The following FOSL1 variants were observed in gnomAD, a reference collection of about 807,000 sequenced individuals.
FOSL1 encodes the protein fos-related antigen 1.
In FOSL1, 14 loss-of-function variants were observed where a neutral mutation model predicts 24.9. The ratio of observed to expected loss-of-function variants is 0.56; its 90% CI spans 0.37 to 0.88. The LOEUF (loss-of-function observed/expected upper bound fraction) is 0.88, where lower values mean the gene tolerates loss of function less well. Among genes scored for constraint, FOSL1 ranks in the 40% least tolerant of loss-of-function variants. The probability of loss-of-function intolerance (pLI) is 0.00; values close to 1 mark genes in which losing one functional copy is unlikely to be tolerated. For synonymous variants in FOSL1, 133 were observed against 145.1 expected (o/e 0.92, Z 0.60); for missense variants, 318 against 359.8 (o/e 0.88, Z 0.94).
rs771929100 is a variant in FOSL1, at chr11:65,892,881, G to A, written c.*5C>T. The stretch of plus-strand genomic sequence containing the variant: ...GGCATCTGCAGGGAGTAGGGCTCAG[G>A]CGCCTCACAAAGCGAGGAGGGTTGG... On this transcript the variant is annotated 3_prime_UTR_variant, in exon 4 of 4. Transcript: ENST00000312562. 7 of 1,610,048 alleles carry A rather than the reference G, an allele frequency of 4.3e-6. No homozygotes were observed. In the South Asian group the frequency reaches 7.7e-5, roughly 18 times the overall value.
intron 1 of FOSL1, 57 bp from the exon 2 acceptor site, chr11:65,897,063 C>T: frequency 7.5e-7 from 1 of 1,331,482 alleles, no homozygotes; most frequent in Non-Finnish European, 1.1e-6. Flanking sequence ...GAGGGGCTTC[C>T]ACTGGGCAGA....
chr11:65,894,237 C>T (rs1342311051), intron 2 of FOSL1, 116 bp from the exon 3 acceptor site: 13 of 718,960 alleles, frequency 1.8e-5, no homozygotes, highest in South Asian at 3.4e-5. Flanking sequence ...CCCCCTCAGC[C>T]GGTGATTTAG....
chr11:65,896,687 G>A (rs1345676944), intron 2 of FOSL1, 122 bp downstream of exon 2: 3 of 749,360 alleles, frequency 4.0e-6, no homozygotes, highest in Admixed American at 2.7e-5. Context: ...GCCTTGGGCA[G>A]TAGTCACCTG....
At chr11:65,898,819 G>A (rs1264720998) in intron 1 of FOSL1, among the ~76,000 whole-genome samples, 1 of 152,022 alleles carries the variant, frequency 6.6e-6, no homozygotes, top group African/African-American at 2.4e-5. Context: ...AATTAGTTGG[G>A]TGTGGTGGTG....
Position 65,894,238 on chromosome 11 carries a change from G to A in FOSL1, c.298-117C>T, listed in dbSNP as rs190628862. On this transcript the variant is annotated intron_variant, in intron 2 of 3. Transcript: ENST00000312562. ...AGGTCATGGCAGGGCCCCCTCAGCC[G>A]GTGATTTAGGGATCACTGCACCCAA... 3.5e-3 allele frequency: 2,444 copies of A among 691,998 alleles called. 30 individuals are homozygous for A. The Middle Eastern group carries it at 0.075, about 21-fold the overall frequency. The allele number at this position is 691,998 out of a possible 1,614,324, so 42.9% of individuals were successfully genotyped here.
At chr11:65,893,350 C>A in intron 3 of FOSL1, 54 bp from the exon 4 acceptor site, 1 of 1,458,678 alleles carries the variant, frequency 6.9e-7, no homozygotes, top group Non-Finnish European at 9.2e-7. Flanking sequence ...ACCCCAGAGC[C>A]GCAGACGTTT....
Position 65,892,834 on chromosome 11 carries a change from G to T in FOSL1, c.*52C>A. 6.4e-7 allele frequency: 1 copy of T among 1,573,536 alleles called. No homozygotes were observed. The highest frequency in any genetic ancestry group is 1.1e-5 in the South Asian group (1 of 86,958). On this transcript the variant is annotated 3_prime_UTR_variant, in exon 4 of 4. Transcript: ENST00000312562. ...AGGCCAGCTGGACCGGTGGGGGAAGGGGAGGAGACATTGGCTAGGGTGGCA... is the reference window on the plus strand; with the variant it reads ...AGGCCAGCTGGACCGGTGGGGGAAGTGGAGGAGACATTGGCTAGGGTGGCA...
intron 1 of FOSL1, among the ~76,000 whole-genome samples, chr11:65,898,208 T>C (rs1044754295): frequency 6.6e-6 from 1 of 151,938 alleles, no homozygotes; most frequent in African/African-American, 2.4e-5. Context: ...GCCCGGCTAA[T>C]TTTTGTATTT....
intron 1 of FOSL1, 147 bp downstream of exon 1, chr11:65,900,094 C>G (rs1860634400): frequency 2.4e-6 from 1 of 413,272 alleles, no homozygotes; most frequent in Non-Finnish European, 4.1e-6. Context: ...CAACTGGCCC[C>G]GGACGGCGAG....
chr11:65,897,259 G>A (rs1448548337), intron 1 of FOSL1, among the ~76,000 whole-genome samples: 2 of 151,992 alleles, frequency 1.3e-5, no homozygotes, highest in Non-Finnish European at 1.5e-5. Flanking sequence ...AGCACAAACT[G>A]CCAGGAACTG....
At chr11:65,893,967 G>T in intron 3 of FOSL1, 47 bp downstream of exon 3, 1 of 1,345,912 alleles carries the variant, frequency 7.4e-7, no homozygotes, top group Non-Finnish European at 1.0e-6. Context: ...TGGGGGCTCT[G>T]GGAGACAGGG....
At chr11:65,900,073 C>T (rs778407833) in intron 1 of FOSL1, among the ~76,000 whole-genome samples, 168 bp downstream of exon 1, 1 of 152,196 alleles carries the variant, frequency 6.6e-6, no homozygotes, top group Non-Finnish European at 1.5e-5. Context: ...CTGCCCGCTG[C>T]GCGGTGGGGG....
chr11:65,893,283 A>C lies in FOSL1; in HGVS notation c.419T>G (p.Leu140Arg). 1 of 1,605,754 alleles carries C rather than the reference A, an allele frequency of 6.2e-7. No homozygotes were observed. The highest frequency in any genetic ancestry group is 1.1e-5 in the South Asian group (1 of 90,632). The change falls in exon 4 of 4, where the codon CTG (leucine) becomes CGG (arginine). Residue 140 changes from leucine (L) to arginine (R), a missense_variant. Leu to Arg is a moderately radical substitution (Grantham distance 102). Transcript: ENST00000312562. ...TDFLQAETDK[L>R]EDEKSGLQRE... is the part of the protein sequence containing the mutation. ...CTGCAGCCCAGATTTCTCATCTTCC[A>C]GTTTGTCAGTCTCCTGTAGAAGATC...
intron 2 of FOSL1, among the ~76,000 whole-genome samples, chr11:65,896,470 C>T (rs960612956): frequency 7.9e-5 from 12 of 152,148 alleles, no homozygotes; most frequent in Non-Finnish European, 1.6e-4. Flanking sequence ...CTCACCATTC[C>T]GTGTGCGCAC....
chr11:65,896,512 G>A (rs138397091), intron 2 of FOSL1, among the ~76,000 whole-genome samples: 3 of 151,982 alleles, frequency 2.0e-5, no homozygotes, highest in Non-Finnish European at 2.9e-5. Context: ...CTCCATCCTT[G>A]CTCCTGCCAC....
intron 1 of FOSL1, 146 bp from the exon 2 acceptor site, chr11:65,897,152 C>A (rs969402308): frequency 4.6e-6 from 3 of 652,502 alleles, no homozygotes. Context: ...CAGAGACTGA[C>A]CTGGTGGCAA....
At chr11:65,899,263 G>A (rs1251362122) in intron 1 of FOSL1, among the ~76,000 whole-genome samples, 1 of 152,162 alleles carries the variant, frequency 6.6e-6, no homozygotes, top group South Asian at 2.1e-4. Context: ...GCGGTAGCCC[G>A]AGCCCAAGCG....
intron 3 of FOSL1, 56 bp downstream of exon 3, chr11:65,893,949 TGGGGCTCTG>T: frequency 1.8e-6 from 2 of 1,104,314 alleles, no homozygotes; most frequent in Non-Finnish European, 1.3e-6. Flanking sequence ...CTACATATAC[TGGGGCTCTG>T]GGGGCTCTGG....
chr11:65,893,025 A>C lies in FOSL1; in HGVS notation c.677T>G (p.Leu226Arg). 1 of 1,612,180 alleles carries C rather than the reference A, an allele frequency of 6.2e-7. No individual in the cohort carries two copies. Among genetic ancestry groups the C allele is most frequent in the Non-Finnish European group, 8.5e-7 (1 of 1,179,518 alleles). Residue 226 changes from leucine (L) to arginine (R), a missense_variant, in exon 4 of 4, where the codon CTA becomes CGA. Physicochemically the swap from Leu to Arg is moderately radical, Grantham distance 102 (BLOSUM62 -2). Transcript: ENST00000312562. The part of the protein sequence containing the change: ...HTPTLMTTPS[L>R]TPFTPSLVFT... ...GACCAGGCTGGGGGTGAAAGGAGTT[A>C]GGGAGGGTGTGGTCATGAGTGTGGG...
Sources: allele counts gnomAD v4.1 joint callset (sites outside exome capture counted in the v4.1 genomes callset), GRCh38; gene constraint gnomAD v4.1.1; transcripts MANE v1.5; gene names NCBI Gene and HGNC (gene_info 2026-07-23, HGNC 2026-07-21).